RBPMS2: variants seen among roughly 807,000 people sequenced by gnomAD.
RBPMS2 encodes the protein RNA binding protein, mRNA processing factor 2.
In RBPMS2, 14 loss-of-function variants were observed where a neutral mutation model predicts 25.7. The observed-to-expected ratio is 0.55, with a 90% CI of 0.36 to 0.85. The LOEUF (loss-of-function observed/expected upper bound fraction) is 0.85, where lower values mean the gene tolerates loss of function less well. RBPMS2 is among the 40% of genes least tolerant of loss of function. The pLI is 0.01. For missense variants in RBPMS2, 252 were observed against 283.4 expected, an observed-to-expected ratio of 0.89 and a Z score of 0.80; for synonymous variants, 127 against 115.6, an observed-to-expected ratio of 1.10 and a Z score of -0.63.
intron 1 of RBPMS2, among the ~76,000 whole-genome samples, chr15:64,762,003 C>G (rs1343521740): frequency 1.3e-5 from 2 of 152,120 alleles, no homozygotes; most frequent in African/African-American, 4.8e-5. Context: ...AGCCACTGTG[C>G]CCAACTCCCG....
At chr15:64,764,318 G>A (rs2083821606) in intron 1 of RBPMS2, among the ~76,000 whole-genome samples, 1 of 152,154 alleles carries the variant, frequency 6.6e-6, no homozygotes, top group Non-Finnish European at 1.5e-5. Context: ...TTGGGCTAGA[G>A]GACCCCTACA....
Position 64,756,398 on chromosome 15 carries a change from C to T in RBPMS2, c.88-4760G>A, listed in dbSNP as rs1257759248. The stretch of plus-strand genomic sequence containing the variant: ...GGTGTGGTGGCGCACACCTGTAGTC[C>T]CAGCTACTTGGCAGGCTGAGGCACG... On this transcript the variant is annotated intron_variant, in intron 1 of 7. Coordinates refer to ENST00000300069, the MANE Select transcript of RBPMS2 (RefSeq NM_194272.3). 1.7e-4 allele frequency among the ~76,000 whole-genome samples: 26 copies of T among 151,900 alleles called. 1 individual carries two copies. Among genetic ancestry groups the T allele is most frequent in the Admixed American group, 1.7e-3 (26 of 15,250 alleles).
chr15:64,753,895 C>A (rs2083706766), intron 1 of RBPMS2, among the ~76,000 whole-genome samples: 2 of 152,072 alleles, frequency 1.3e-5, no homozygotes, highest in African/African-American at 2.4e-5. Flanking sequence ...TGACCTGAGC[C>A]CAGCAGGCCT....
intron 1 of RBPMS2, among the ~76,000 whole-genome samples, chr15:64,754,757 A>C (rs1434294417): frequency 6.6e-6 from 1 of 151,458 alleles, no homozygotes; most frequent in Admixed American, 6.6e-5. Flanking sequence ...AGCCTGGCAG[A>C]GGTGATGGGT....
chr15:64,751,505 C>T (rs984280991), intron 2 of RBPMS2, 56 bp downstream of exon 2: 8 of 1,486,910 alleles, frequency 5.4e-6, no homozygotes, highest in Middle Eastern at 3.4e-4. Context: ...GATTCACTCC[C>T]GCTGCTTCTC....
intron 1 of RBPMS2, among the ~76,000 whole-genome samples, chr15:64,762,667 G>A (rs2083800944): frequency 6.6e-6 from 1 of 152,198 alleles, no homozygotes; most frequent in African/African-American, 2.4e-5. Flanking sequence ...CCTGTCACCA[G>A]CCATAGCAGG....
chr15:64,762,196 G>C (rs1426470619), intron 1 of RBPMS2, among the ~76,000 whole-genome samples: 1 of 152,188 alleles, frequency 6.6e-6, no homozygotes, highest in African/African-American at 2.4e-5. Context: ...GTATGATGGT[G>C]ATGGTGGCGA....
At chr15:64,746,345 A>G (rs1014293462) in intron 6 of RBPMS2, among the ~76,000 whole-genome samples, 10 of 152,170 alleles carry the variant, frequency 6.6e-5, no homozygotes, top group African/African-American at 2.4e-4. Context: ...CTCAGAGAGG[A>G]CCCAAGGGAA....
chr15:64,755,528 C>T (rs2083724733), intron 1 of RBPMS2, among the ~76,000 whole-genome samples: 1 of 152,120 alleles, frequency 6.6e-6, no homozygotes, highest in African/African-American at 2.4e-5. Context: ...GTCAACGGCA[C>T]ACAGCTGAGT....
chr15:64,767,948 C>A (rs1415304387), intron 1 of RBPMS2, among the ~76,000 whole-genome samples: 1 of 152,136 alleles, frequency 6.6e-6, no homozygotes, highest in Non-Finnish European at 1.5e-5. Context: ...GGATTACAGG[C>A]ATGAGCCAAC....
intron 6 of RBPMS2, among the ~76,000 whole-genome samples, chr15:64,741,817 T>G (rs1039397603): frequency 2.0e-5 from 3 of 152,172 alleles, no homozygotes; most frequent in Admixed American, 6.5e-5. Flanking sequence ...GAGGATCACA[T>G]GGGCTCAGGA....
At chr15:64,744,530 C>T (rs1166995237) in intron 6 of RBPMS2, among the ~76,000 whole-genome samples, 3 of 148,588 alleles carry the variant, frequency 2.0e-5, no homozygotes, top group Non-Finnish European at 4.4e-5. Flanking sequence ...TGCACTCCAG[C>T]CTGGGCAACA....
chr15:64,743,913 T>C (rs1033869707), intron 6 of RBPMS2, among the ~76,000 whole-genome samples: 9 of 152,010 alleles, frequency 5.9e-5, no homozygotes, highest in African/African-American at 2.2e-4. Context: ...GAGACCAGCA[T>C]GGCCACCATT....
intron 1 of RBPMS2, among the ~76,000 whole-genome samples, chr15:64,759,952 C>T (rs944500444): frequency 6.6e-5 from 10 of 152,300 alleles, no homozygotes; most frequent in Non-Finnish European, 1.2e-4. Context: ...GGATTACAGG[C>T]GTGAGCCACC....
intron 1 of RBPMS2, among the ~76,000 whole-genome samples, chr15:64,766,417 G>C (rs2083846479): frequency 1.3e-5 from 2 of 152,166 alleles, no homozygotes; most frequent in African/African-American, 4.8e-5. Context: ...TCAAAGGGTG[G>C]AATATGGGAA....
chr15:64,756,804 C>G (rs1189747786), intron 1 of RBPMS2, among the ~76,000 whole-genome samples: 7 of 36,118 alleles, frequency 1.9e-4, no homozygotes, highest in Non-Finnish European at 7.5e-4. Flanking sequence ...CCACGCCCAG[C>G]TCTTTTTTTT....
intron 6 of RBPMS2, among the ~76,000 whole-genome samples, chr15:64,745,090 A>G (rs368047264): frequency 8.5e-5 from 13 of 152,202 alleles, no homozygotes; most frequent in South Asian, 6.2e-4. Flanking sequence ...CTGGGATTAC[A>G]GGCATGAGCC....
intron 6 of RBPMS2, among the ~76,000 whole-genome samples, chr15:64,741,479 G>T (rs948853617): frequency 2.6e-5 from 4 of 152,176 alleles, no homozygotes; most frequent in African/African-American, 9.7e-5. Flanking sequence ...AGTCACGCAG[G>T]CGTCTCATAC....
intron 1 of RBPMS2, among the ~76,000 whole-genome samples, chr15:64,772,420 T>C (rs6494494): frequency 0.87 from 132,334 of 152,140 alleles, 58,755 homozygotes; most frequent in East Asian, 0.96. Flanking sequence ...CCTTAATTCC[T>C]TACTGCCCTC....
Sources: allele counts gnomAD v4.1 joint callset (sites outside exome capture counted in the v4.1 genomes callset), GRCh38; gene constraint gnomAD v4.1.1; transcripts MANE v1.5; gene names NCBI Gene and HGNC (gene_info 2026-07-23, HGNC 2026-07-21).